The following GPC5 variants were observed in gnomAD, a reference collection of about 807,000 sequenced individuals.
GPC5 encodes the protein glypican 5, also known as glypican-5.
Under a neutral mutation model 53.9 loss-of-function variants are expected in GPC5, and 47 were observed. The observed-to-expected ratio is 0.87, with a 90% CI of 0.69 to 1.11. The LOEUF (loss-of-function observed/expected upper bound fraction) is 1.11, where lower values mean the gene tolerates loss of function less well. Among genes scored for constraint, GPC5 ranks in the 50% most tolerant of loss-of-function variants. The pLI is 0.00. For missense variants in GPC5, 748 were observed against 713.1 expected (o/e 1.05, Z -0.56); for synonymous variants, 286 against 263.3 (o/e 1.09, Z -0.84).
intron 7 of GPC5, among the ~76,000 whole-genome samples, chr13:92,472,489 T>C (rs1878950969): frequency 6.6e-6 from 1 of 152,128 alleles, no homozygotes; most frequent in Non-Finnish European, 1.5e-5. Flanking sequence ...ATGAATCTCT[T>C]AGGGCATTCT....
intron 7 of GPC5, among the ~76,000 whole-genome samples, chr13:92,460,836 AC>A (rs1878449432): frequency 1.3e-5 from 2 of 152,100 alleles, no homozygotes; most frequent in Admixed American, 6.6e-5. Context: ...TAGGTATATA[AC>A]CCTCAGGACC....
intron 6 of GPC5, among the ~76,000 whole-genome samples, chr13:91,916,387 C>G (rs191603031): frequency 6.6e-6 from 1 of 152,184 alleles, no homozygotes; most frequent in African/African-American, 2.4e-5. Context: ...AGAAACAACT[C>G]AAATGTTCCT....
chr13:91,917,668 G>A (rs1285243077), intron 6 of GPC5, among the ~76,000 whole-genome samples: 1 of 152,158 alleles, frequency 6.6e-6, no homozygotes, highest in Non-Finnish European at 1.5e-5. Context: ...CAAGTTCAAT[G>A]TTCCACAGAT....
chr13:92,142,115 G>A (rs1280343591), intron 6 of GPC5, among the ~76,000 whole-genome samples: 2 of 152,174 alleles, frequency 1.3e-5, no homozygotes, highest in Non-Finnish European at 2.9e-5. Context: ...GTTGATGGGT[G>A]CAGCAAACGA....
intron 7 of GPC5, among the ~76,000 whole-genome samples, chr13:92,481,162 G>A (rs1265799703): frequency 6.6e-6 from 1 of 151,442 alleles, no homozygotes; most frequent in East Asian, 1.9e-4. Context: ...GTGCAGTGGT[G>A]TGATCTCTGC....
At chr13:91,600,819 T>G (rs1265984204) in intron 2 of GPC5, among the ~76,000 whole-genome samples, 1 of 152,196 alleles carries the variant, frequency 6.6e-6, no homozygotes, top group Non-Finnish European at 1.5e-5. Context: ...TATTACAGAA[T>G]CGATTTAATG....
intron 6 of GPC5, among the ~76,000 whole-genome samples, chr13:92,122,740 C>CTTTT (rs3058805): frequency 7.5e-5 from 5 of 67,084 alleles, no homozygotes; most frequent in South Asian, 6.7e-4. Flanking sequence ...ATAGGTCAGT[C>CTTTT]TTTTTTTTTT....
chr13:92,643,224 T>C (rs1566338251), intron 7 of GPC5, among the ~76,000 whole-genome samples: 2 of 152,084 alleles, frequency 1.3e-5, no homozygotes, highest in Non-Finnish European at 2.9e-5. Context: ...AGCTCTTTAG[T>C]TTAATTAGAT....
At chr13:92,641,660 G>A (rs1171249790) in intron 7 of GPC5, among the ~76,000 whole-genome samples, 1 of 152,118 alleles carries the variant, frequency 6.6e-6, no homozygotes, top group African/African-American at 2.4e-5. Flanking sequence ...CAGCTGAAAT[G>A]TTTTGACTCA....
intron 1 of GPC5, among the ~76,000 whole-genome samples, chr13:91,404,685 G>A (rs77544227): frequency 0.059 from 9,049 of 152,270 alleles, 466 homozygotes; most frequent in East Asian, 0.3. Flanking sequence ...TGGCTACTAT[G>A]TAAGTTGAAT....
chr13:91,979,436 G>T (rs1282054487), intron 6 of GPC5, among the ~76,000 whole-genome samples: 2 of 152,230 alleles, frequency 1.3e-5, no homozygotes, highest in South Asian at 4.2e-4. Flanking sequence ...GTTATCACAT[G>T]TATTAACTGT....
intron 7 of GPC5, among the ~76,000 whole-genome samples, chr13:92,710,922 A>G (rs928295303): frequency 6.6e-6 from 1 of 152,230 alleles, no homozygotes; most frequent in African/African-American, 2.4e-5. Context: ...CCCAATTTGT[A>G]CAAGTTTATT....
At chr13:92,629,010 T>C (rs1310887718) in intron 7 of GPC5, among the ~76,000 whole-genome samples, 2 of 152,190 alleles carry the variant, frequency 1.3e-5, no homozygotes, top group Non-Finnish European at 2.9e-5. Context: ...GTAGGATGTC[T>C]CCTTGGTCAC....
At chr13:92,038,320 A>C (rs2040910538) in intron 6 of GPC5, among the ~76,000 whole-genome samples, 1 of 151,370 alleles carries the variant, frequency 6.6e-6, no homozygotes, top group Non-Finnish European at 1.5e-5. Context: ...TTGGTGTATA[A>C]GATTGGAGTT....
intron 5 of GPC5, among the ~76,000 whole-genome samples, chr13:91,897,513 C>T (rs1476980799): frequency 2.6e-5 from 4 of 152,078 alleles, no homozygotes; most frequent in South Asian, 2.1e-4. Flanking sequence ...ATGAAAGCTA[C>T]AAAAATCAGC....
intron 1 of GPC5, 46 bp downstream of exon 1, chr13:91,399,255 G>T: frequency 1.3e-6 from 2 of 1,585,094 alleles, no homozygotes; most frequent in Non-Finnish European, 1.7e-6. Context: ...GTCCGAGCCC[G>T]GCCTTCGCTC....
intron 7 of GPC5, among the ~76,000 whole-genome samples, chr13:92,172,266 T>A (rs1007932801): frequency 2.0e-5 from 3 of 152,106 alleles, no homozygotes; most frequent in Non-Finnish European, 2.9e-5. Flanking sequence ...TGGGGTCAAG[T>A]TGGGTTGTGC....
intron 2 of GPC5, among the ~76,000 whole-genome samples, chr13:91,450,362 A>C (rs957222233): frequency 6.6e-6 from 1 of 152,206 alleles, no homozygotes; most frequent in Non-Finnish European, 1.5e-5. Context: ...TAGTAGGTAC[A>C]ATATGAAATA....
chr13:91,625,272 T>C (rs553115570), intron 2 of GPC5, among the ~76,000 whole-genome samples: 17 of 151,752 alleles, frequency 1.1e-4, no homozygotes, highest in African/African-American at 3.9e-4. Context: ...TATATATGCA[T>C]AGCACAGGAG....
Sources: allele counts gnomAD v4.1 joint callset (sites outside exome capture counted in the v4.1 genomes callset), GRCh38; gene constraint gnomAD v4.1.1; transcripts MANE v1.5; gene names NCBI Gene and HGNC (gene_info 2026-07-23, HGNC 2026-07-21).